The following CSMD1 variants were observed in gnomAD, a reference collection of about 807,000 sequenced individuals.
CSMD1 encodes the protein CUB and Sushi multiple domains 1, also known as CUB and sushi domain-containing protein 1.
In CSMD1, 213 loss-of-function variants were observed where a neutral mutation model predicts 417.5. That is an observed-to-expected ratio of 0.51 (90% confidence interval 0.46 to 0.57). CSMD1 has a LOEUF of 0.57. CSMD1 is among the 20% of genes least tolerant of loss of function. The probability of loss-of-function intolerance (pLI) is 0.00; values close to 1 mark genes in which losing one functional copy is unlikely to be tolerated. For missense variants in CSMD1, 6,923 were observed against 4,529.7 expected (o/e 1.53, Z -15.17); for synonymous variants, 2,862 against 1,736.8 (o/e 1.65, Z -16.11).
At chr8:4,348,444 C>A (rs138281214) in intron 3 of CSMD1, among the ~76,000 whole-genome samples, 18 of 152,068 alleles carry the variant, frequency 1.2e-4, no homozygotes, top group African/African-American at 4.1e-4. Flanking sequence ...GAATATTAGG[C>A]CTTTCTGATC....
At chr8:4,576,343 C>A (rs986568251) in intron 2 of CSMD1, among the ~76,000 whole-genome samples, 5 of 152,234 alleles carry the variant, frequency 3.3e-5, no homozygotes, top group African/African-American at 1.2e-4. Context: ...CTCTCCTGCT[C>A]ACTCTTCAGG....
At chr8:4,063,458 G>C (rs1345674735) in intron 3 of CSMD1, among the ~76,000 whole-genome samples, 1 of 151,950 alleles carries the variant, frequency 6.6e-6, no homozygotes, top group Non-Finnish European at 1.5e-5. Context: ...AACAATGCCT[G>C]GCATATACCA....
chr8:4,115,152 C>A (rs879165974), intron 3 of CSMD1, among the ~76,000 whole-genome samples: 1 of 152,142 alleles, frequency 6.6e-6, no homozygotes. Context: ...ATATCAATAT[C>A]TCATTTTAAG....
At chr8:3,541,420 TGTGGGG>T (rs747339457) in intron 10 of CSMD1, among the ~76,000 whole-genome samples, 2 of 152,008 alleles carry the variant, frequency 1.3e-5, no homozygotes, top group Non-Finnish European at 2.9e-5. Context: ...AGCTAATACG[TGTGGGG>T]CTTAATACCT....
chr8:3,556,617 A>G (rs1200644061), intron 10 of CSMD1, among the ~76,000 whole-genome samples: 1 of 151,574 alleles, frequency 6.6e-6, no homozygotes, highest in Non-Finnish European at 1.5e-5. Context: ...GGCTGGTACA[A>G]AAACATTGTC....
chr8:4,949,640 G>C (rs1808603615), intron 1 of CSMD1, among the ~76,000 whole-genome samples: 1 of 152,096 alleles, frequency 6.6e-6, no homozygotes, highest in African/African-American at 2.4e-5. Context: ...AGAAGCATCT[G>C]ACCCCACATG....
chr8:4,032,235 C>G (rs1023895931), intron 3 of CSMD1, 136 bp from the exon 4 acceptor site: 4 of 615,738 alleles, frequency 6.5e-6, no homozygotes, highest in Admixed American at 3.2e-5. Context: ...TTAATTGTTG[C>G]TAAAAAATAA....
chr8:3,929,967 T>C (rs1810028035), intron 5 of CSMD1, among the ~76,000 whole-genome samples: 1 of 150,458 alleles, frequency 6.6e-6, no homozygotes, highest in South Asian at 2.2e-4. Context: ...GTGCACAGCC[T>C]ATATGATTAA....
intron 3 of CSMD1, among the ~76,000 whole-genome samples, chr8:4,138,614 A>T (rs1803583932): frequency 7.3e-6 from 1 of 137,266 alleles, no homozygotes; most frequent in Admixed American, 7.4e-5. Context: ...AAACAAAAAA[A>T]ATTAAACAAA....
intron 1 of CSMD1, among the ~76,000 whole-genome samples, chr8:4,748,410 C>T (rs762137116): frequency 2.6e-5 from 4 of 152,164 alleles, no homozygotes; most frequent in Non-Finnish European, 5.9e-5. Flanking sequence ...CTAAGGAAGT[C>T]ACATTTTATT....
At chr8:4,196,542 CTG>C (rs1176570128) in intron 3 of CSMD1, among the ~76,000 whole-genome samples, 2 of 152,116 alleles carry the variant, frequency 1.3e-5, no homozygotes, top group Non-Finnish European at 2.9e-5. Flanking sequence ...TGGCTGTAAA[CTG>C]TGAGTCATTC....
At chr8:4,566,826 G>A (rs915507099) in intron 2 of CSMD1, among the ~76,000 whole-genome samples, 3 of 151,976 alleles carry the variant, frequency 2.0e-5, no homozygotes, top group Non-Finnish European at 4.4e-5. Flanking sequence ...AGTTATCTGG[G>A]CCTTACTGTA....
intron 5 of CSMD1, among the ~76,000 whole-genome samples, chr8:3,945,744 A>G (rs539149915): frequency 9.9e-5 from 15 of 152,208 alleles, no homozygotes; most frequent in Non-Finnish European, 1.9e-4. Flanking sequence ...GGGATAGAAA[A>G]CCAAGAAATG....
At chr8:3,189,034 A>C (rs1796260034) in intron 34 of CSMD1, 23 bp from the exon 35 acceptor site, 1 of 1,603,054 alleles carries the variant, frequency 6.2e-7, no homozygotes. Flanking sequence ...ACCATATGTC[A>C]TGAAATAAAG....
chr8:3,195,827 C>T lies in CSMD1; in HGVS notation c.5194+3887G>A, dbSNP rs145061145. 2.2e-4 allele frequency among the ~76,000 whole-genome samples: 34 copies of T among 152,262 alleles called. 1 individual carries two copies. In the East Asian group the frequency reaches 6.4e-3, roughly 29 times the overall value. ...ATTTAAAAGCAAGAATTGTGTATCT[C>T]CCACGTCTTCAAGAAAGCTTGCTAA... On this transcript the variant is annotated intron_variant, in intron 33 of 69. Coordinates refer to ENST00000635120, the MANE Select transcript of CSMD1 (RefSeq NM_033225.6).
chr8:4,411,824 C>T (rs892515560), intron 3 of CSMD1, among the ~76,000 whole-genome samples: 1 of 152,110 alleles, frequency 6.6e-6, no homozygotes, highest in Non-Finnish European at 1.5e-5. Flanking sequence ...TATGCAAATA[C>T]TTTTATTTAT....
intron 54 of CSMD1, among the ~76,000 whole-genome samples, chr8:2,994,574 A>G (rs1040695735): frequency 2.0e-5 from 3 of 152,214 alleles, no homozygotes; most frequent in African/African-American, 4.8e-5. Context: ...CTAAAAGACT[A>G]AAACTTTTAT....
chr8:3,792,827 C>G (rs1799826114), intron 5 of CSMD1, among the ~76,000 whole-genome samples: 1 of 152,216 alleles, frequency 6.6e-6, no homozygotes, highest in Non-Finnish European at 1.5e-5. Flanking sequence ...CAACTACTCT[C>G]TGTATTTGAC....
At chr8:3,743,328 AAAC>A (rs1796908542) in intron 6 of CSMD1, among the ~76,000 whole-genome samples, 1 of 152,248 alleles carries the variant, frequency 6.6e-6, no homozygotes, top group Non-Finnish European at 1.5e-5. Context: ...TGGAAGCAAC[AAAC>A]AACTTGCTGC....
Sources: allele counts gnomAD v4.1 joint callset (sites outside exome capture counted in the v4.1 genomes callset), GRCh38; gene constraint gnomAD v4.1.1; transcripts MANE v1.5; gene names NCBI Gene and HGNC (gene_info 2026-07-23, HGNC 2026-07-21).